The following ADCY7 variants were observed in gnomAD, a reference collection of about 807,000 sequenced individuals.
ADCY7 encodes the protein adenylate cyclase type 7.
In ADCY7, 72 loss-of-function variants were observed where a neutral mutation model predicts 120.6. The ratio of observed to expected loss-of-function variants is 0.60; its 90% CI spans 0.49 to 0.73. The LOEUF is 0.73. Among genes scored for constraint, ADCY7 ranks in the 30% least tolerant of loss-of-function variants. ADCY7 has a pLI of 0.00. For missense variants in ADCY7, 1,227 were observed against 1,486.0 expected (o/e 0.83, Z 2.87); for synonymous variants, 661 against 628.0 (o/e 1.05, Z -0.78).
chr16:50,291,591 C>G, intron 3 of ADCY7, 145 bp from the exon 4 acceptor site: 1 of 850,266 alleles, frequency 1.2e-6, no homozygotes, highest in East Asian at 2.6e-5. Flanking sequence ...TTTCTTGTTC[C>G]CTTGTATGTC....
At chr16:50,282,158 A>G (rs1320649310) in intron 1 of ADCY7, among the ~76,000 whole-genome samples, 2 of 152,164 alleles carry the variant, frequency 1.3e-5, no homozygotes, top group Non-Finnish European at 2.9e-5. Context: ...GGAGGAAGCC[A>G]GGCTGTGGTT....
chr16:50,288,200 C>T lies in ADCY7; in HGVS notation c.21C>T (p.Tyr7=). 1.3e-6 allele frequency: 2 copies of T among 1,550,588 alleles called. No homozygotes were observed. Among genetic ancestry groups the T allele is most frequent in the Non-Finnish European group, 8.7e-7 (1 of 1,146,576 alleles). MPAKGR[Y]FLNEGEEGPD... The stretch of plus-strand genomic sequence containing the variant: ...GGAGGATGCCAGCCAAGGGGCGCTA[C>T]TTCCTCAACGAGGGCGAGGAGGGCC... Residue 7 remains tyrosine, a synonymous_variant, in exon 2 of 26, where the codon TAC becomes TAT. Coordinates refer to ENST00000673801, the MANE Select transcript of ADCY7 (RefSeq NM_001114.5).
At chr16:50,282,665 C>G (rs2034344938) in intron 1 of ADCY7, among the ~76,000 whole-genome samples, 1 of 151,770 alleles carries the variant, frequency 6.6e-6, no homozygotes, top group South Asian at 2.1e-4. Context: ...TGGATGCCAG[C>G]CCCATGAGGG....
intron 1 of ADCY7, among the ~76,000 whole-genome samples, chr16:50,257,934 A>G (rs1340918687): frequency 6.6e-6 from 1 of 152,016 alleles, no homozygotes; most frequent in Non-Finnish European, 1.5e-5. Context: ...TTGTAGAGAC[A>G]GGATTTCACC....
rs376981269 is a variant in ADCY7 at position 50,311,799 on chromosome 16, G to GC, written c.2448+29dup. The GC allele has an allele frequency of 6.2e-3, 5,566 of 892,976 alleles. 56 individuals carry two copies. Among genetic ancestry groups the GC allele is most frequent in the East Asian group, 0.045 (963 of 21,290 alleles). 55.3% of individuals were successfully genotyped at this position (892,976 alleles called of 1,614,324 possible). ...ACTCTCCAGACAGGTAAGGAGGCTGGCCCCCCCCCCCCCCCCAAGCTCTGC... is the reference window on the plus strand; with the variant it reads ...ACTCTCCAGACAGGTAAGGAGGCTGGCCCCCCCCCCCCCCCCCAAGCTCTGC... On this transcript the variant is annotated intron_variant, in intron 20 of 25. Coordinates refer to ENST00000673801, the MANE Select transcript of ADCY7 (RefSeq NM_001114.5).
chr16:50,314,529 C>A, intron 24 of ADCY7, 123 bp downstream of exon 24: 1 of 679,282 alleles, frequency 1.5e-6, no homozygotes, highest in South Asian at 1.8e-5. Flanking sequence ...TCTGATCTGA[C>A]AAGCTCAGCA....
chr16:50,271,810 G>A (rs1028486380), intron 1 of ADCY7, among the ~76,000 whole-genome samples: 2 of 152,280 alleles, frequency 1.3e-5, no homozygotes, highest in East Asian at 3.9e-4. Flanking sequence ...TCCAGCATGG[G>A]GAGAAGAGGG....
At position 50,313,988 on chromosome 16, in the gene ADCY7, GAGA is replaced by G. The variant is rs746611057; in HGVS notation, c.2786_2788del (p.Lys929del). ...ACTGAAGCCCAAGTTCAGCGGCGTG[GAGA>G]AGATCAAGACCATCGGCAGCACGTA... On this transcript the variant is annotated inframe_deletion, in exon 23 of 26. Transcript: ENST00000673801. The G allele has an allele frequency of 3.7e-6, 6 of 1,613,986 alleles. No individual in the cohort carries two copies. The highest frequency in any genetic ancestry group is 1.3e-5 in the African/African-American group (1 of 74,900).
At chr16:50,306,322 G>A (rs1222858506) in intron 14 of ADCY7, among the ~76,000 whole-genome samples, 2 of 152,230 alleles carry the variant, frequency 1.3e-5, no homozygotes, top group East Asian at 1.9e-4. Flanking sequence ...CCGTCACAAC[G>A]GCCAGCCCAG....
At chr16:50,263,379 T>A (rs2033109483), upstream of ADCY7, among the ~76,000 whole-genome samples, 1 of 152,026 alleles carries the variant, frequency 6.6e-6, no homozygotes, top group Non-Finnish European at 1.5e-5. Context: ...GTGCTGAGGC[T>A]GCAGCAGGGA....
At chr16:50,296,607 C>T (rs951575800) in intron 7 of ADCY7, among the ~76,000 whole-genome samples, 1 of 152,044 alleles carries the variant, frequency 6.6e-6, no homozygotes, top group Non-Finnish European at 1.5e-5. Flanking sequence ...CCGCCTGCCT[C>T]GACCTCTCAA....
In ADCY7 at chr16:50,299,042, G is replaced by T; in HGVS notation, c.1076+11G>T. The T allele has an allele frequency of 6.2e-7, 1 of 1,603,986 alleles. No homozygotes were observed. ...GTGCCAGGCCATCAAGTAGGTCCTG[G>T]GCGGGCCCAGGCCCTGGGTCCTGCC... On this transcript the variant is annotated intron_variant, in intron 8 of 25. Coordinates refer to ENST00000673801, the MANE Select transcript of ADCY7 (RefSeq NM_001114.5).
chr16:50,283,746 G>A (rs981613378), intron 1 of ADCY7, among the ~76,000 whole-genome samples: 2 of 152,222 alleles, frequency 1.3e-5, no homozygotes, highest in Admixed American at 6.5e-5. Context: ...AAGAGGGGAC[G>A]TGATACCTCT....
Position 50,315,503 on chromosome 16 carries a change from T to C in ADCY7, c.3241T>C (p.Ter1081ArgextTer65), listed in dbSNP as rs752475690. 1.2e-6 allele frequency: 2 copies of C among 1,606,436 alleles called. No individual in the cohort carries two copies. The highest frequency in any genetic ancestry group is 2.7e-5 in the African/African-American group (2 of 74,800). ...CAAGTTTCAGGGGCTGGGGCTGAACTGAGGGCTCCTGCTGGATTCCGAAAA... is the reference window on the plus strand; with the variant it reads ...CAAGTTTCAGGGGCTGGGGCTGAACCGAGGGCTCCTGCTGGATTCCGAAAA... ...TAKFQGLGLN* is the reference protein window; with the variant it reads ...TAKFQGLGLNR Residue 1081 changes from the stop codon to arginine (R), a stop_lost, in exon 26 of 26, where the codon TGA (stop) becomes CGA (arginine). Coordinates refer to ENST00000673801, the MANE Select transcript of ADCY7 (RefSeq NM_001114.5).
chr16:50,252,866 A>G (rs765475294), intron 1 of ADCY7, among the ~76,000 whole-genome samples: 51 of 152,210 alleles, frequency 3.4e-4, no homozygotes, highest in Non-Finnish European at 7.1e-4. Flanking sequence ...TGGGGAAAAA[A>G]CTTCTTAATA....
At position 50,304,389 on chromosome 16, in the gene ADCY7, C is replaced by T. The variant is rs528947359; in HGVS notation, c.1398C>T (p.His466=). The T allele has an allele frequency of 6.4e-7, 1 of 1,559,120 alleles. No individual in the cohort carries two copies. Among genetic ancestry groups the T allele is most frequent in the South Asian group, 1.2e-5 (1 of 84,296 alleles). Residue 466 remains histidine (H), a synonymous_variant, in exon 11 of 26, where the codon CAC becomes CAT. Transcript: ENST00000673801. ...AGCAGCCACCCCCGCCCAGCCAACA[C>T]CTCCCCAGGCCCAAGGGGGACGCGG... ...RSQQPPPPSQ[H]LPRPKGDAAL...
Position 50,311,964 on chromosome 16 carries a change from G to C in ADCY7, c.2449-72G>C, listed in dbSNP as rs2036510565. On this transcript the variant is annotated intron_variant, in intron 20 of 25. Transcript: ENST00000673801. Reference sequence around the variant, plus strand: ...AAGGACGCCAGGGACAGACAGACCTGGCTAGGAGATGCACAGCAGCACGGC... The same window carrying C: ...AAGGACGCCAGGGACAGACAGACCTCGCTAGGAGATGCACAGCAGCACGGC... The C allele has an allele frequency of 1.1e-5, 17 of 1,594,436 alleles. No individual in the cohort carries two copies. The Admixed American group carries it at 2.9e-4, about 27-fold the overall frequency.
At position 50,310,850 on chromosome 16, in the gene ADCY7, G is replaced by A; in HGVS notation, c.2324G>A (p.Gly775Asp). The change falls in exon 19 of 26, where the codon GGC becomes GAC. Residue 775 changes from glycine to aspartate, a missense_variant. By Grantham distance (94) the Gly-to-Asp change is moderately conservative (BLOSUM62 -1). This residue lies in a region of ADCY7 where 267 missense variants were observed against 270.0 expected (regional missense o/e 0.99). Coordinates refer to ENST00000673801, the MANE Select transcript of ADCY7 (RefSeq NM_001114.5). ...TGGGACTGCTGCGGCCAAGGCCTGG[G>A]CAACCTCACCAAGCCCAACGGCACC... ...WQWDCCGQGLGNLTKPNGTTS... is the reference protein window; with the variant it reads ...WQWDCCGQGLDNLTKPNGTTS... The A allele has an allele frequency of 6.2e-7, 1 of 1,611,442 alleles. No individual in the cohort carries two copies. The highest frequency in any genetic ancestry group is 1.1e-5 in the South Asian group (1 of 90,674).
At chr16:50,303,687 G>C (rs1047631970) in intron 10 of ADCY7, among the ~76,000 whole-genome samples, 1 of 152,204 alleles carries the variant, frequency 6.6e-6, no homozygotes, top group African/African-American at 2.4e-5. Context: ...GAACTACTGA[G>C]TGTCCAGCAT....
Sources: allele counts gnomAD v4.1 joint callset (sites outside exome capture counted in the v4.1 genomes callset), GRCh38; gene constraint gnomAD v4.1.1; regional missense constraint gnomAD v4.1.1; transcripts MANE v1.5; gene names NCBI Gene and HGNC (gene_info 2026-07-23, HGNC 2026-07-21).